IL1RAPL2: variants seen among roughly 807,000 people sequenced by gnomAD.
IL1RAPL2 encodes X-linked interleukin-1 receptor accessory protein-like 2.
In IL1RAPL2, 3 loss-of-function variants were observed where a neutral mutation model predicts 44.1. The ratio of observed to expected loss-of-function variants is 0.07; its 90% CI spans 0.03 to 0.18. The LOEUF (loss-of-function observed/expected upper bound fraction) is 0.18. Ranked by LOEUF, IL1RAPL2 falls within the 10% of genes least tolerant of loss-of-function variation. IL1RAPL2 has a pLI of 1.00. For synonymous variants in IL1RAPL2, 181 were observed against 178.8 expected, an observed-to-expected ratio of 1.01 and a Z score of -0.10; for missense variants, 391 against 496.4, an observed-to-expected ratio of 0.79 and a Z score of 2.02.
intron 2 of IL1RAPL2, among the ~76,000 whole-genome samples, chrX:104,898,866 A>G (rs1923732426): frequency 8.9e-6 from 1 of 112,324 alleles, no homozygotes; most frequent in South Asian, 3.7e-4. Context: ...TCAAAAAATC[A>G]TTTTGCTTCT....
chrX:105,613,929 A>G (rs1455662695), intron 6 of IL1RAPL2, among the ~76,000 whole-genome samples: 1 of 111,480 alleles, frequency 9.0e-6, no homozygotes, highest in African/African-American at 3.3e-5. Context: ...CCTGACAGGA[A>G]TAACAAAAGC....
intron 2 of IL1RAPL2, among the ~76,000 whole-genome samples, chrX:105,155,925 A>G (rs1408607855): frequency 9.0e-6 from 1 of 111,241 alleles, no homozygotes; most frequent in African/African-American, 3.3e-5. Flanking sequence ...ACTTGTCCCA[A>G]CGGAGCACTG....
chrX:104,635,334 T>C (rs1929770080), intron 1 of IL1RAPL2, among the ~76,000 whole-genome samples: 1 of 109,956 alleles, frequency 9.1e-6, no homozygotes, highest in Admixed American at 9.8e-5. Flanking sequence ...GAGTTGCTCT[T>C]CTCGAGGAGT....
At chrX:105,680,977 TAGACA>T (rs997773897) in intron 6 of IL1RAPL2, among the ~76,000 whole-genome samples, 1 of 111,944 alleles carries the variant, frequency 8.9e-6, no homozygotes, top group Non-Finnish European at 1.9e-5. Flanking sequence ...GAAATGTGAT[TAGACA>T]AAAGAGTATG....
chrX:105,424,138 G>T (rs2035792179), intron 5 of IL1RAPL2, among the ~76,000 whole-genome samples: 2 of 112,282 alleles, frequency 1.8e-5, no homozygotes, highest in African/African-American at 3.2e-5. Flanking sequence ...AGTTTATTTT[G>T]CCAAGGTTGA....
At chrX:105,141,663 A>G (rs1961511816) in intron 2 of IL1RAPL2, among the ~76,000 whole-genome samples, 1 of 111,966 alleles carries the variant, frequency 8.9e-6, no homozygotes, top group Non-Finnish European at 1.9e-5. Flanking sequence ...TAACAGTGGC[A>G]CCCTATTATT....
chrX:104,891,871 C>T (rs1231003963), intron 2 of IL1RAPL2, among the ~76,000 whole-genome samples: 1 of 111,457 alleles, frequency 9.0e-6, no homozygotes, highest in Non-Finnish European at 1.9e-5. Context: ...CTGTCTTGTG[C>T]CCGTTTTCAA....
chrX:105,372,915 C>T (rs1288913467), intron 5 of IL1RAPL2, among the ~76,000 whole-genome samples: 1 of 112,408 alleles, frequency 8.9e-6, no homozygotes, highest in Non-Finnish European at 1.9e-5. Context: ...ATCCCTTCTA[C>T]CATTGATGGG....
chrX:104,710,290 A>T (rs1427871670), intron 2 of IL1RAPL2, among the ~76,000 whole-genome samples: 3 of 111,556 alleles, frequency 2.7e-5, no homozygotes, highest in Non-Finnish European at 5.7e-5. Flanking sequence ...CATACAATGG[A>T]ATATTATTTA....
chrX:105,192,622 T>C (rs888377400), intron 2 of IL1RAPL2, among the ~76,000 whole-genome samples: 1 of 111,646 alleles, frequency 9.0e-6, no homozygotes, highest in Admixed American at 9.6e-5. Context: ...TGGAAATTGA[T>C]TTCTACTGAT....
chrX:104,660,620 G>GACAC (rs3055134), intron 2 of IL1RAPL2, among the ~76,000 whole-genome samples: 47,184 of 95,271 alleles, frequency 0.5, 10,967 homozygotes, highest in African/African-American at 0.79. Flanking sequence ...TGTATGTATA[G>GACAC]ACACACACAC....
At chrX:105,267,813 A>C (rs1040459117) in intron 5 of IL1RAPL2, among the ~76,000 whole-genome samples, 15 of 111,963 alleles carry the variant, frequency 1.3e-4, no homozygotes, top group Admixed American at 1.1e-3. Flanking sequence ...CATTATTACT[A>C]AACATCTCAG....
At chrX:105,085,988 G>A (rs759401747) in intron 2 of IL1RAPL2, among the ~76,000 whole-genome samples, 69 of 111,319 alleles carry the variant, frequency 6.2e-4, no homozygotes, top group Non-Finnish European at 1.2e-3. Context: ...TAAGTAGGCC[G>A]AGGAGAAGGA....
chrX:105,030,391 A>G (rs143824722), intron 2 of IL1RAPL2, among the ~76,000 whole-genome samples: 2,498 of 111,889 alleles, frequency 0.022, 70 homozygotes, highest in African/African-American at 0.077. Context: ...CTAACATGTA[A>G]GTCTTTAATC....
chrX:105,413,774 G>A (rs781371388), intron 5 of IL1RAPL2, among the ~76,000 whole-genome samples: 6 of 112,193 alleles, frequency 5.3e-5, no homozygotes, highest in African/African-American at 1.3e-4. Context: ...CACAACAAAC[G>A]TTATAGGCCT....
chrX:105,636,387 A>T (rs773041127), intron 6 of IL1RAPL2, among the ~76,000 whole-genome samples: 17 of 111,737 alleles, frequency 1.5e-4, no homozygotes, highest in African/African-American at 5.5e-4. Flanking sequence ...AACACTAAAT[A>T]TAATTAATTA....
intron 9 of IL1RAPL2, among the ~76,000 whole-genome samples, chrX:105,750,265 T>G (rs1221664743): frequency 5.6e-5 from 5 of 89,250 alleles, no homozygotes; most frequent in African/African-American, 2.1e-4. Flanking sequence ...TTTTTTGTTT[T>G]GTTTTGTTTT....
At chrX:105,369,833 G>A (rs759966093) in intron 5 of IL1RAPL2, among the ~76,000 whole-genome samples, 51 of 110,705 alleles carry the variant, frequency 4.6e-4, no homozygotes, top group Non-Finnish European at 8.9e-4. Flanking sequence ...TTTATTGCTG[G>A]AGCAAGCCAG....
intron 2 of IL1RAPL2, among the ~76,000 whole-genome samples, chrX:104,724,345 A>G (rs1195849878): frequency 9.0e-6 from 1 of 111,444 alleles, no homozygotes; most frequent in Non-Finnish European, 1.9e-5. Context: ...GGATAGCATT[A>G]GGAGATATAC....
Sources: gnomAD v4.1 joint callset for allele counts (sites outside exome capture counted in the v4.1 genomes callset) on GRCh38, gnomAD v4.1.1 for gene constraint, MANE v1.5 for transcripts, NCBI Gene and HGNC (gene_info 2026-07-23, HGNC 2026-07-21) for gene names.